FOXP2: variants seen among roughly 807,000 people sequenced by gnomAD.
FOXP2 encodes forkhead box protein P2.
Under a neutral mutation model 115.8 loss-of-function variants are expected in FOXP2, and 12 were observed. The observed-to-expected ratio is 0.10, with a 90% CI of 0.07 to 0.17. The LOEUF is 0.17. Ranked by LOEUF, FOXP2 falls within the 10% of genes least tolerant of loss-of-function variation. The pLI, the probability that FOXP2 is intolerant of heterozygous loss-of-function variation, is 1.00. For missense variants in FOXP2, 629 were observed against 843.5 expected (o/e 0.75, Z 3.15); for synonymous variants, 328 against 297.7 (o/e 1.10, Z -1.05).
At chr7:114,404,503 G>A (rs1792984225) in intron 2 of FOXP2, among the ~76,000 whole-genome samples, 1 of 151,954 alleles carries the variant, frequency 6.6e-6, no homozygotes, top group Non-Finnish European at 1.5e-5. Flanking sequence ...TTCTCCTTCA[G>A]CTTTGTATAT....
At chr7:114,361,983 C>A (rs1791756368) in intron 2 of FOXP2, among the ~76,000 whole-genome samples, 1 of 151,804 alleles carries the variant, frequency 6.6e-6, no homozygotes, top group East Asian at 1.9e-4. Flanking sequence ...AGCCCAGAGT[C>A]AAAAATGCTG....
At chr7:114,422,794 G>A (rs1219097952) in intron 1 of FOXP2, among the ~76,000 whole-genome samples, 1 of 151,608 alleles carries the variant, frequency 6.6e-6, no homozygotes. Context: ...TATCACTCTG[G>A]CATGTAACTA....
At chr7:114,678,205 T>C (rs1165353342) in intron 16 of FOXP2, among the ~76,000 whole-genome samples, 2 of 152,178 alleles carry the variant, frequency 1.3e-5, no homozygotes, top group Non-Finnish European at 2.9e-5. Flanking sequence ...TATTTCAACC[T>C]AGTATTGAGC....
At chr7:114,355,473 A>G (rs915507218) in intron 2 of FOXP2, among the ~76,000 whole-genome samples, 12 of 152,124 alleles carry the variant, frequency 7.9e-5, no homozygotes, top group Non-Finnish European at 1.6e-4. Context: ...AAAATAATGC[A>G]CTTAGGTCAG....
chr7:114,197,855 A>G (rs748170213), intron 1 of FOXP2, among the ~76,000 whole-genome samples: 2 of 151,482 alleles, frequency 1.3e-5, no homozygotes, highest in African/African-American at 2.4e-5. Context: ...AATAAAGGCC[A>G]TTTTAATTTT....
intron 3 of FOXP2, among the ~76,000 whole-genome samples, chr7:114,625,291 T>A (rs919120477): frequency 4.0e-5 from 6 of 151,780 alleles, no homozygotes; most frequent in African/African-American, 1.4e-4. Context: ...GCCACCAGAC[T>A]TTTATTTGCC....
In FOXP2 at chr7:114,626,531, ATC is replaced by A. The variant is rs35087540; in HGVS notation, c.259-1989_259-1988del. 4.9e-3 allele frequency among the ~76,000 whole-genome samples: 717 copies of A among 146,638 alleles called. 3 individuals are homozygous for A. Among genetic ancestry groups the A allele is most frequent in the Middle Eastern group, 7.3e-3 (2 of 274 alleles). ...CTATGATTAACTTTATAGAAGGCAT[ATC>A]TCTCTCTCTCTCTCTCTCTGTCTCT... On this transcript the variant is annotated intron_variant, in intron 3 of 16. Transcript: ENST00000350908.
chr7:114,397,510 A>G (rs1399590813), intron 2 of FOXP2, among the ~76,000 whole-genome samples: 1 of 152,164 alleles, frequency 6.6e-6, no homozygotes, highest in Non-Finnish European at 1.5e-5. Flanking sequence ...TTCACTGAGG[A>G]AGTGAAATTT....
At chr7:114,405,852 T>C (rs567072248) in intron 2 of FOXP2, among the ~76,000 whole-genome samples, 1 of 152,034 alleles carries the variant, frequency 6.6e-6, no homozygotes, top group East Asian at 1.9e-4. Flanking sequence ...TTTATATAAA[T>C]AGCATATTGG....
At chr7:114,307,256 T>C (rs1797036179) in intron 2 of FOXP2, among the ~76,000 whole-genome samples, 1 of 152,084 alleles carries the variant, frequency 6.6e-6, no homozygotes, top group Admixed American at 6.6e-5. Context: ...ATTAATAGGA[T>C]TTCAAGCAGC....
At chr7:114,524,387 A>G (rs1351496542) in intron 2 of FOXP2, among the ~76,000 whole-genome samples, 1 of 152,184 alleles carries the variant, frequency 6.6e-6, no homozygotes, top group Non-Finnish European at 1.5e-5. Context: ...TTAATAACTC[A>G]GAATTTGTTT....
intron 7 of FOXP2, among the ~76,000 whole-genome samples, chr7:114,643,338 G>A (rs1055034324): frequency 2.0e-5 from 3 of 151,886 alleles, no homozygotes; most frequent in Non-Finnish European, 4.4e-5. Context: ...TCTCTTATAT[G>A]TTTCAAACAT....
At chr7:114,319,828 G>A (rs1584633444) in intron 2 of FOXP2, among the ~76,000 whole-genome samples, 1 of 152,196 alleles carries the variant, frequency 6.6e-6, no homozygotes, top group African/African-American at 2.4e-5. Context: ...CTGGCTGCTA[G>A]TTTATTTGGA....
At chr7:114,148,320 A>C (rs1792434570) in intron 1 of FOXP2, among the ~76,000 whole-genome samples, 1 of 152,250 alleles carries the variant, frequency 6.6e-6, no homozygotes, top group South Asian at 2.1e-4. Context: ...ACTCTGCAAC[A>C]TGTAACATGA....
intron 2 of FOXP2, among the ~76,000 whole-genome samples, chr7:114,475,844 G>C (rs1042699092): frequency 3.8e-4 from 57 of 151,394 alleles, no homozygotes; most frequent in African/African-American, 5.3e-4. Flanking sequence ...AATAGATATA[G>C]ATATTGACTA....
chr7:114,652,187 T>C lies in FOXP2; in HGVS notation c.1095-16T>C. ...ACATCACTTTACATTCTGTTTTGTG[T>C]CTTCTGTTTGTTTAGGCACCTTAAC... On this transcript the variant is annotated splice_polypyrimidine_tract_variant and intron_variant, in intron 8 of 16. Coordinates refer to ENST00000350908, the MANE Select transcript of FOXP2 (RefSeq NM_014491.4). 6.2e-7 allele frequency: 1 copy of C among 1,611,938 alleles called. No homozygotes were observed. The highest frequency in any genetic ancestry group is 8.5e-7 in the Non-Finnish European group (1 of 1,178,400).
rs534341102 is a variant in FOXP2 at position 114,461,007 on chromosome 7, A to G, written c.168+34328A>G. On this transcript the variant is annotated intron_variant, in intron 2 of 16. Transcript: ENST00000350908. ...TGACGGGAAGGTGTCTGCTGACTCAAGTTATGTTGAGTGTGCAGAGGAAAA... is the reference window on the plus strand; with the variant it reads ...TGACGGGAAGGTGTCTGCTGACTCAGGTTATGTTGAGTGTGCAGAGGAAAA... Among the ~76,000 whole-genome samples, 4 of 152,276 alleles carry G rather than the reference A, an allele frequency of 2.6e-5. No individual in the cohort carries two copies. The South Asian group carries it at 8.3e-4, about 32-fold the overall frequency.
intron 2 of FOXP2, among the ~76,000 whole-genome samples, chr7:114,306,249 G>A (rs1797011861): frequency 1.3e-5 from 2 of 152,032 alleles, no homozygotes; most frequent in African/African-American, 4.8e-5. Context: ...AGAGCGAAAG[G>A]ACTATTAATT....
chr7:114,676,209 G>C (rs370784584), intron 16 of FOXP2, among the ~76,000 whole-genome samples: 1 of 151,502 alleles, frequency 6.6e-6, no homozygotes, highest in Non-Finnish European at 1.5e-5. Flanking sequence ...GATTATAGGC[G>C]TGAGCCACTG....
Sources: allele counts gnomAD v4.1 joint callset (sites outside exome capture counted in the v4.1 genomes callset), GRCh38; gene constraint gnomAD v4.1.1; transcripts MANE v1.5; gene names NCBI Gene and HGNC (gene_info 2026-07-23, HGNC 2026-07-21).